SELENOV: variants seen among roughly 807,000 people sequenced by gnomAD.
SELENOV encodes the protein selenoprotein V.
A neutral mutation model predicts 21.6 loss-of-function variants in SELENOV; 25 were observed. The observed-to-expected ratio is 1.16, with a 90% CI of 0.84 to 1.62. The LOEUF is 1.62. Ranked by LOEUF, SELENOV falls within the 40% of genes most tolerant of loss-of-function variation. The pLI, the probability that SELENOV is intolerant of heterozygous loss-of-function variation, is 0.00. For synonymous variants in SELENOV, 227 were observed against 216.9 expected, an observed-to-expected ratio of 1.05 and a Z score of -0.41; for missense variants, 472 against 459.0, an observed-to-expected ratio of 1.03 and a Z score of -0.26.
In SELENOV at chr19:39,515,837, T is replaced by C. The variant is rs1016228121; in HGVS notation, c.625T>C (p.Phe209Leu). The stretch of plus-strand genomic sequence containing the variant: ...GAACTCACCCGGGCCCACCCTGGAC[T>C]TCACCTTCAGGGCAGACCCGTCGGC... The change falls in exon 1 of 6, where the codon TTC becomes CTC. Residue 209 changes from phenylalanine to leucine, a missense_variant. Coordinates refer to ENST00000335426, the Ensembl canonical transcript of SELENOV. This position sits in a 1 kb window ranked among gnomAD's most constrained non-coding sequence, Gnocchi z 5.1. The C allele has an allele frequency of 5.8e-6, 9 of 1,551,186 alleles. No homozygotes were observed. In the Admixed American group the frequency reaches 7.8e-5, roughly 14 times the overall value.
At chr19:39,518,515 G>GT in intron 1 of SELENOV, 93 bp from the exon 2 acceptor site, 1 of 1,209,934 alleles carries the variant, frequency 8.3e-7, no homozygotes, top group Non-Finnish European at 1.2e-6. Context: ...TCTAACTCAG[G>GT]TGTTCATAGG....
Position 39,515,768 on chromosome 19 carries a change from G to A in SELENOV, c.556G>A (p.Gly186Arg), listed in dbSNP as rs368231037. ...CATCCCGTCGGTCTCCAGCGAGGCC[G>A]GGCCCGCCCCGGGGCCCCTTCCCAC... is the stretch of plus-strand genomic sequence containing the variant. The change falls in exon 1 of 6, where the codon GGG (glycine) becomes AGG (arginine). Residue 186 changes from glycine (G) to arginine (R), a missense_variant. By Grantham distance (125) the Gly-to-Arg change is moderately radical. Transcript: ENST00000335426. This position sits in a 1 kb window ranked among gnomAD's most constrained non-coding sequence, Gnocchi z 5.1. 2 of 1,549,176 alleles carry A rather than the reference G, an allele frequency of 1.3e-6. No individual in the cohort carries two copies. The highest frequency in any genetic ancestry group is 1.2e-5 in the South Asian group (1 of 83,980).
rs188997435 is a variant in SELENOV, at chr19:39,518,094, A to G, written c.810-514A>G. Among the ~76,000 whole-genome samples, 438 of 151,498 alleles carry G rather than the reference A, an allele frequency of 2.9e-3. 3 individuals carry two copies. The highest frequency in any genetic ancestry group is 5.0e-3 in the Non-Finnish European group (340 of 67,818). ...AAAACCATCCTGGCCAACATGGTGA[A>G]ACCCGGTCTCTACTAAAATATAAAA... On this transcript the variant is annotated intron_variant, in intron 1 of 5. Transcript: ENST00000335426.
Position 39,515,116 on chromosome 19 carries a change from C to T in SELENOV, c.-97C>T. ...GTAACAGAGCCCCCAGTGGTCGCGC[C>T]GCGTCTCAGAACCCGGTGCGGGAGA... On this transcript the variant is annotated 5_prime_UTR_variant, in exon 1 of 6. Transcript: ENST00000335426. The surrounding 1 kb of genome is among the most constrained non-coding windows in gnomAD (Gnocchi z 5.1). 1 of 770,082 alleles carries T rather than the reference C, an allele frequency of 1.3e-6. No individual in the cohort carries two copies. Among genetic ancestry groups the T allele is most frequent in the South Asian group, 1.8e-5 (1 of 56,904 alleles). The allele number at this position is 770,082 out of a possible 1,614,324, so 47.7% of individuals were successfully genotyped here. A position where few individuals can be genotyped will look rare whatever the true frequency, so the allele number is the denominator to read the frequency against.
rs150933120 is a variant in SELENOV, at chr19:39,518,140, G to A, written c.810-468G>A. Among the ~76,000 whole-genome samples, 958 of 151,580 alleles carry A rather than the reference G, an allele frequency of 6.3e-3. 5 individuals carry two copies. Among genetic ancestry groups the A allele is most frequent in the Non-Finnish European group, 7.7e-3 (524 of 67,868 alleles). ...TAAAAAATTACCCGGGCGTGGTGGT[G>A]GGCGCCTATAGTCCCAGCTACTAGG... On this transcript the variant is annotated intron_variant, in intron 1 of 5. Transcript: ENST00000335426.
At position 39,515,933 on chromosome 19, in the gene SELENOV, A is replaced by T. The variant is rs2079694732; in HGVS notation, c.721A>T (p.Ile241Phe). 1 of 1,606,556 alleles carries T rather than the reference A, an allele frequency of 6.2e-7. No individual in the cohort carries two copies. Among genetic ancestry groups the T allele is most frequent in the South Asian group, 1.1e-5 (1 of 89,340 alleles). Residue 241 changes from isoleucine (I) to phenylalanine (F), a missense_variant, in exon 1 of 6, where the codon ATC (isoleucine) becomes TTC (phenylalanine). By Grantham distance (21) the Ile-to-Phe change is conservative (BLOSUM62 0). Coordinates refer to ENST00000335426, the Ensembl canonical transcript of SELENOV. This position sits in a 1 kb window ranked among gnomAD's most constrained non-coding sequence, Gnocchi z 5.1. ...CATCCTGGGGACCATCCCGTCGGCCATCTCCTTACAGAATTGTACGGAAAC... is the reference window on the plus strand; with the variant it reads ...CATCCTGGGGACCATCCCGTCGGCCTTCTCCTTACAGAATTGTACGGAAAC...
intron 5 of SELENOV, among the ~76,000 whole-genome samples, chr19:39,519,490 TAATA>T (rs60167035): frequency 3.3e-4 from 50 of 151,022 alleles, no homozygotes; most frequent in African/African-American, 1.2e-3. Context: ...CTACAAAAAA[TAATA>T]AATAAATAAA....
exon 5 of SELENOV, chr19:39,519,151 G>T: frequency 6.2e-7 from 1 of 1,613,420 alleles, no homozygotes; most frequent in Non-Finnish European, 8.5e-7. Flanking sequence ...AAAGGTAGCC[G>T]GCAAGGGGTG....
chr19:39,515,986 G>A lies in SELENOV; in HGVS notation c.774G>A (p.Ala258=). Residue 258 remains alanine, a synonymous_variant, in exon 1 of 6, where the codon GCG becomes GCA. Transcript: ENST00000335426. The surrounding 1 kb of genome is among the most constrained non-coding windows in gnomAD (Gnocchi z 5.1). ...TCCCCTCCTCCAGCGAGAACTTCGCGCTGGACAAGAGGGTCCTGATTCGAG... is the reference window on the plus strand; with the variant it reads ...TCCCCTCCTCCAGCGAGAACTTCGCACTGGACAAGAGGGTCCTGATTCGAG... 1 of 1,603,106 alleles carries A rather than the reference G, an allele frequency of 6.2e-7. No homozygotes were observed. The highest frequency in any genetic ancestry group is 2.2e-5 in the East Asian group (1 of 44,508).
intron 5 of SELENOV, among the ~76,000 whole-genome samples, 175 bp from the exon 6 acceptor site, chr19:39,519,964 CAAAAAAA>C (rs5828040): frequency 1.3e-5 from 1 of 76,898 alleles, no homozygotes; most frequent in Admixed American, 1.7e-4. Flanking sequence ...GACTCTGTCT[CAAAAAAA>C]AAAAAAAAAA....
At chr19:39,516,303 C>G in intron 1 of SELENOV, 4 of 611,632 alleles carry the variant, frequency 6.5e-6, no homozygotes, top group South Asian at 6.1e-5. Flanking sequence ...AGATGGGGTG[C>G]TGAGTAGAGC....
At chr19:39,516,075 G>A in intron 1 of SELENOV, 54 bp downstream of exon 1, 1 of 1,477,448 alleles carries the variant, frequency 6.8e-7, no homozygotes, top group East Asian at 2.5e-5. Flanking sequence ...CCGGCAGTGG[G>A]GGCTGGGTCT....
chr19:39,518,913 G>C (rs758346575), exon 4 of SELENOV: 3 of 1,613,936 alleles, frequency 1.9e-6, no homozygotes. Context: ...GAGGAGGACA[G>C]AGCTGCCCAG....
chr19:39,518,700 C>T (rs777084485), intron 2 of SELENOV, 40 bp from the exon 3 acceptor site: 21 of 1,611,314 alleles, frequency 1.3e-5, no homozygotes, highest in Middle Eastern at 3.3e-4. Context: ...TCCCTGTTTC[C>T]CCTCCCCTGC....
At position 39,515,318 on chromosome 19, in the gene SELENOV, C is replaced by A. The variant is rs1418153695; in HGVS notation, c.106C>A (p.Pro36Thr). ...ACCGACTCCACTCCGGACCCCGACTCCGGTCCGGACTCGGACCCCCATCCG... is the reference window on the plus strand; with the variant it reads ...ACCGACTCCACTCCGGACCCCGACTACGGTCCGGACTCGGACCCCCATCCG... Residue 36 changes from proline (P) to threonine (T), a missense_variant, in exon 1 of 6, where the codon CCG becomes ACG. Transcript: ENST00000335426. This position sits in a 1 kb window ranked among gnomAD's most constrained non-coding sequence, Gnocchi z 5.1. 6.4e-7 allele frequency: 1 copy of A among 1,551,262 alleles called. No individual in the cohort carries two copies. Among genetic ancestry groups the A allele is most frequent in the Non-Finnish European group, 8.7e-7 (1 of 1,146,864 alleles).
intron 1 of SELENOV, chr19:39,516,245 T>C: frequency 1.5e-6 from 1 of 689,158 alleles, no homozygotes; most frequent in South Asian, 1.5e-5. Flanking sequence ...TGAGCTTCAT[T>C]CATTCGTTTC....
chr19:39,518,303 A>AG (rs1267904436), intron 1 of SELENOV, among the ~76,000 whole-genome samples: 2 of 150,358 alleles, frequency 1.3e-5, no homozygotes, highest in Admixed American at 6.6e-5. Flanking sequence ...ACAAAAAAAA[A>AG]AGAGAGAGAG....
At chr19:39,517,882 A>G (rs1386361410) in intron 1 of SELENOV, among the ~76,000 whole-genome samples, 1 of 145,626 alleles carries the variant, frequency 6.9e-6, no homozygotes, top group Non-Finnish European at 1.5e-5. Flanking sequence ...GAGAATTGCT[A>G]GAACCCAGGA....
rs2079694370 is a variant in SELENOV at position 39,515,894 on chromosome 19, C to G, written c.682C>G (p.Pro228Ala). Reference sequence around the variant, plus strand: ...GCTGGCGGATCCCCCCATTCCCAGTCCTGTCCCCTCGCCCATCCTGGGGAC... The same window carrying G: ...GCTGGCGGATCCCCCCATTCCCAGTGCTGTCCCCTCGCCCATCCTGGGGAC... Residue 228 changes from proline (P) to alanine (A), a missense_variant, in exon 1 of 6, where the codon CCT becomes GCT. Pro to Ala is a conservative substitution (Grantham distance 27, BLOSUM62 -1). Transcript: ENST00000335426. This position sits in a 1 kb window ranked among gnomAD's most constrained non-coding sequence, Gnocchi z 5.1. The G allele has an allele frequency of 6.3e-7, 1 of 1,577,598 alleles. No homozygotes were observed.
Sources: allele counts gnomAD v4.1 joint callset (sites outside exome capture counted in the v4.1 genomes callset), GRCh38; gene constraint gnomAD v4.1.1; non-coding constraint Gnocchi (gnomAD v3.1); transcripts MANE v1.5; gene names NCBI Gene and HGNC (gene_info 2026-07-23, HGNC 2026-07-21).